Variants in NBAS observed in about 807,000 individuals in gnomAD.
NBAS encodes the protein NAG/BC035112 fusion.
Under a neutral mutation model 302.5 loss-of-function variants are expected in NBAS, and 219 were observed. The ratio of observed to expected loss-of-function variants is 0.72; its 90% CI spans 0.65 to 0.81. The LOEUF is 0.81. NBAS is among the 30% of genes least tolerant of loss of function. The probability of loss-of-function intolerance (pLI) is 0.00; values close to 1 mark genes in which losing one functional copy is unlikely to be tolerated. For synonymous variants in NBAS, 1,118 were observed against 1,021.6 expected (o/e 1.09, Z -1.80); for missense variants, 2,932 against 2,841.6 (o/e 1.03, Z -0.72).
chr2:15,372,651 T>C (rs1162747271), intron 31 of NBAS, among the ~76,000 whole-genome samples: 1 of 152,220 alleles, frequency 6.6e-6, no homozygotes, highest in Non-Finnish European at 1.5e-5. Flanking sequence ...ACAGTCATTC[T>C]AATAGGAAAC....
the NBAS span, among the ~76,000 whole-genome samples, chr2:14,943,047 TTC>T: frequency 1.3e-5 from 2 of 152,254 alleles, no homozygotes; most frequent in South Asian, 2.1e-4. Flanking sequence ...GAACAGCATG[TTC>T]TCTCTTTCCT....
chr2:15,121,474 CAAA>C, the NBAS span, among the ~76,000 whole-genome samples: 4 of 151,968 alleles, frequency 2.6e-5, no homozygotes, highest in African/African-American at 9.7e-5. Context: ...AGGTACACGT[CAAA>C]CACTAGGACA....
At chr2:14,965,871 A>G in the NBAS span, among the ~76,000 whole-genome samples, 1 of 152,234 alleles carries the variant, frequency 6.6e-6, no homozygotes, top group Non-Finnish European at 1.5e-5. Flanking sequence ...AGATATGTTA[A>G]GTTGTAACCC....
chr2:14,859,677 A>G, the NBAS span, among the ~76,000 whole-genome samples: 1 of 152,108 alleles, frequency 6.6e-6, no homozygotes, highest in African/African-American at 2.4e-5. Flanking sequence ...AATACACAAA[A>G]ATCAAATCAA....
intron 12 of NBAS, among the ~76,000 whole-genome samples, chr2:15,486,391 G>A (rs1415830746): frequency 2.6e-5 from 4 of 152,116 alleles, no homozygotes; most frequent in East Asian, 3.9e-4. Flanking sequence ...AAGTTGCATA[G>A]CTCCCCTGAT....
intron 48 of NBAS, among the ~76,000 whole-genome samples, chr2:15,191,148 G>T (rs1429444958): frequency 6.6e-6 from 1 of 152,070 alleles, no homozygotes; most frequent in Non-Finnish European, 1.5e-5. Flanking sequence ...CCTCAGCATA[G>T]ATTGTTTATA....
At chr2:15,380,890 T>C (rs1019165678) in intron 29 of NBAS, among the ~76,000 whole-genome samples, 1 of 151,526 alleles carries the variant, frequency 6.6e-6, no homozygotes, top group Non-Finnish European at 1.5e-5. Context: ...TTTTCACTTC[T>C]TTGTGTCTAG....
At chr2:14,803,248 C>G in the NBAS span, among the ~76,000 whole-genome samples, 1 of 152,114 alleles carries the variant, frequency 6.6e-6, no homozygotes, top group Non-Finnish European at 1.5e-5. Flanking sequence ...CTGTGTGACT[C>G]CAGTGATTGT....
Position 15,474,215 on chromosome 2 carries a change from C to A in NBAS, c.1451G>T (p.Arg484Leu), listed in dbSNP as rs753405322. The change falls in exon 15 of 52, where the codon CGC (arginine) becomes CTC (leucine). Residue 484 changes from arginine (R) to leucine (L), a missense_variant. By Grantham distance (102) the Arg-to-Leu change is moderately radical. Transcript: ENST00000281513. Reference sequence around the variant, plus strand: ...GCCCTGTTTTATATAACCAAAGTAGCGAGCCTTGGCAGATATTTCATAATC... The same window carrying A: ...GCCCTGTTTTATATAACCAAAGTAGAGAGCCTTGGCAGATATTTCATAATC... ...DSDYEISAKA[R>L]YFGYIKQGLY... The A allele has an allele frequency of 1.2e-6, 2 of 1,614,048 alleles. No homozygotes were observed. Among genetic ancestry groups the A allele is most frequent in the Non-Finnish European group, 1.7e-6 (2 of 1,180,006 alleles).
chr2:15,451,114 C>A (rs572690413), intron 21 of NBAS, among the ~76,000 whole-genome samples: 2 of 152,216 alleles, frequency 1.3e-5, no homozygotes, highest in Admixed American at 6.5e-5. Flanking sequence ...TACAGTGGAG[C>A]GGTCACAGCT....
intron 51 of NBAS, among the ~76,000 whole-genome samples, chr2:15,168,679 G>C (rs1056002994): frequency 2.0e-5 from 3 of 152,198 alleles, no homozygotes; most frequent in African/African-American, 7.2e-5. Context: ...GCCCAGGCTA[G>C]AGTGCAGTGG....
At chr2:14,951,003 T>C in the NBAS span, among the ~76,000 whole-genome samples, 2 of 152,148 alleles carry the variant, frequency 1.3e-5, no homozygotes, top group Non-Finnish European at 2.9e-5. Flanking sequence ...TAGTGTTCTC[T>C]GTAGCCAAAA....
At chr2:14,887,410 A>AAAAAAAAGAAAAAG in the NBAS span, among the ~76,000 whole-genome samples, 4,999 of 150,588 alleles carry the variant, frequency 0.033, 132 homozygotes, top group Non-Finnish European at 0.048. Flanking sequence ...AAAAAAAAAA[A>AAAAAAAAGAAAAAG]AAAAAGATAG....
the NBAS span, among the ~76,000 whole-genome samples, chr2:14,858,175 T>C: frequency 6.6e-6 from 1 of 151,966 alleles, no homozygotes; most frequent in Non-Finnish European, 1.5e-5. Context: ...TAACAAATAC[T>C]GGTGAAGAGA....
At chr2:15,067,742 T>A in the NBAS span, among the ~76,000 whole-genome samples, 1 of 152,114 alleles carries the variant, frequency 6.6e-6, no homozygotes, top group African/African-American at 2.4e-5. Flanking sequence ...AGTTTAGAGA[T>A]CTGCTGTCCA....
intron 32 of NBAS, among the ~76,000 whole-genome samples, chr2:15,359,878 T>C (rs886799463): frequency 8.5e-5 from 13 of 152,180 alleles, no homozygotes; most frequent in African/African-American, 3.1e-4. Flanking sequence ...CTATGACATG[T>C]GTCATTAGGC....
At chr2:15,002,597 T>C in the NBAS span, among the ~76,000 whole-genome samples, 1 of 152,100 alleles carries the variant, frequency 6.6e-6, no homozygotes, top group African/African-American at 2.4e-5. Flanking sequence ...TGGCACTCAC[T>C]GGGGAGGCTC....
intron 50 of NBAS, among the ~76,000 whole-genome samples, chr2:15,184,029 C>T (rs1664953792): frequency 6.6e-6 from 1 of 152,186 alleles, no homozygotes; most frequent in Admixed American, 6.5e-5. Flanking sequence ...TTCATTTAAC[C>T]ACCAAGTCAT....
At chr2:15,238,844 CA>C (rs919495503) in intron 44 of NBAS, among the ~76,000 whole-genome samples, 158 bp from the exon 45 acceptor site, 1 of 151,968 alleles carries the variant, frequency 6.6e-6, no homozygotes, top group Non-Finnish European at 1.5e-5. Flanking sequence ...GTGAAGAAAA[CA>C]AAAAGTGAGG....
Sources: allele counts gnomAD v4.1 joint callset (sites outside exome capture counted in the v4.1 genomes callset), GRCh38; gene constraint gnomAD v4.1.1; transcripts MANE v1.5; gene names NCBI Gene and HGNC (gene_info 2026-07-23, HGNC 2026-07-21).